The following PCDHGA3 variants were observed in gnomAD, a reference collection of about 807,000 sequenced individuals.
The protein encoded by PCDHGA3 is protocadherin gamma subfamily A, 3.
In PCDHGA3, 40 loss-of-function variants were observed where a neutral mutation model predicts 58.5. The ratio of observed to expected loss-of-function variants is 0.68; its 90% CI spans 0.53 to 0.89. PCDHGA3 has a LOEUF of 0.89. Ranked by LOEUF, PCDHGA3 falls within the 40% of genes least tolerant of loss-of-function variation. The pLI is 0.00. For missense variants in PCDHGA3, 1,223 were observed against 1,195.9 expected, an observed-to-expected ratio of 1.02 and a Z score of -0.33; for synonymous variants, 530 against 525.7, an observed-to-expected ratio of 1.01 and a Z score of -0.11.
At chr5:141,419,803 T>C (rs2096436352) in intron 1 of PCDHGA3, 3 of 1,614,026 alleles carry the variant, frequency 1.9e-6, no homozygotes, top group Non-Finnish European at 2.5e-6. Context: ...CTGTAAGAGA[T>C]GGAGGACAGC....
At chr5:141,482,074 A>G (rs1349748840) in intron 1 of PCDHGA3, among the ~76,000 whole-genome samples, 2 of 142,830 alleles carry the variant, frequency 1.4e-5, no homozygotes, top group Non-Finnish European at 3.0e-5. Context: ...AACAAGAACA[A>G]AACTCACTCC....
At chr5:141,361,788 A>C in intron 1 of PCDHGA3, 2 of 1,613,154 alleles carry the variant, frequency 1.2e-6, no homozygotes, top group Non-Finnish European at 1.7e-6. Flanking sequence ...TGCGCGTGTT[A>C]GTGGGCGACC....
Position 141,371,934 on chromosome 5 carries a change from G to T in PCDHGA3, c.2424+25477G>T, listed in dbSNP as rs1024560538. On this transcript the variant is annotated intron_variant, in intron 1 of 3. Coordinates refer to ENST00000253812, the MANE Select transcript of PCDHGA3 (RefSeq NM_018916.4). The stretch of plus-strand genomic sequence containing the variant: ...GTCCGTGAGCGCGCGGAGCGGGGTG[G>T]TGTTCGCGCAGCGAGCCTTCGACCA... The T allele has an allele frequency of 3.1e-6, 5 of 1,613,324 alleles. No individual in the cohort carries two copies. In the Admixed American group the frequency reaches 8.3e-5, roughly 27 times the overall value.
At position 141,485,541 on chromosome 5, in the gene PCDHGA3, T is replaced by A; in HGVS notation, c.2425-9266T>A. 2 of 1,613,902 alleles carry A rather than the reference T, an allele frequency of 1.2e-6. No homozygotes were observed. Among genetic ancestry groups the A allele is most frequent in the Non-Finnish European group, 1.7e-6 (2 of 1,179,958 alleles). ...GAAATGTACCGAGCAGAGGTAGAGATCGTAGATGTGAATGATCACGCCCCC... is the reference window on the plus strand; with the variant it reads ...GAAATGTACCGAGCAGAGGTAGAGAACGTAGATGTGAATGATCACGCCCCC... On this transcript the variant is annotated intron_variant, in intron 1 of 3. Coordinates refer to ENST00000253812, the MANE Select transcript of PCDHGA3 (RefSeq NM_018916.4). The surrounding 1 kb of genome is among the most constrained non-coding windows in gnomAD (Gnocchi z 5.7).
rs1211398299 is a variant in PCDHGA3 at position 141,420,143 on chromosome 5, A to G, written c.2424+73686A>G. The G allele has an allele frequency of 1.2e-6, 2 of 1,614,052 alleles. No homozygotes were observed. The highest frequency in any genetic ancestry group is 2.2e-5 in the East Asian group (1 of 44,888). On this transcript the variant is annotated intron_variant, in intron 1 of 3. Transcript: ENST00000253812. The stretch of plus-strand genomic sequence containing the variant: ...TTTTTGTGTGCCTGGGGATCAAATG[A>G]ATCCAGAATTTAATTTTTTCACATC...
intron 1 of PCDHGA3, chr5:141,372,871 G>A: frequency 7.4e-7 from 1 of 1,350,238 alleles, no homozygotes; most frequent in African/African-American, 1.5e-5. Context: ...TTGATTTAGA[G>A]ATAAAAAGAA....
chr5:141,423,877 C>G, intron 1 of PCDHGA3: 1 of 1,283,890 alleles, frequency 7.8e-7, no homozygotes, highest in South Asian at 3.4e-5. Flanking sequence ...ATTTTTCAAT[C>G]TTGGCATATT....
intron 1 of PCDHGA3, chr5:141,399,029 A>G: frequency 6.2e-7 from 1 of 1,613,912 alleles, no homozygotes. Context: ...ACCACTCAAA[A>G]GAAACTGGAT....
Position 141,357,014 on chromosome 5 carries a change from C to A in PCDHGA3, c.2424+10557C>A, listed in dbSNP as rs377201838. ...GACTCAGGTCAGAATGCCTGGCTGT[C>A]CTACAGCCTACTCAAGTCCAGCGAG... On this transcript the variant is annotated intron_variant, in intron 1 of 3. Coordinates refer to ENST00000253812, the MANE Select transcript of PCDHGA3 (RefSeq NM_018916.4). 9.9e-6 allele frequency: 16 copies of A among 1,614,012 alleles called. No homozygotes were observed. The African/African-American group carries it at 1.6e-4, about 16-fold the overall frequency.
chr5:141,393,622 A>C (rs776047060), intron 1 of PCDHGA3: 1 of 1,613,960 alleles, frequency 6.2e-7, no homozygotes, highest in Admixed American at 1.7e-5. Context: ...AGCGACCCGG[A>C]TGAGGGAATC....
chr5:141,496,523 G>T (rs1159517569), intron 2 of PCDHGA3, among the ~76,000 whole-genome samples: 1 of 152,128 alleles, frequency 6.6e-6, no homozygotes, highest in Non-Finnish European at 1.5e-5. Context: ...GGAGCCCTTG[G>T]TGTATGGCAG....
At position 141,476,477 on chromosome 5, in the gene PCDHGA3, G is replaced by A; in HGVS notation, c.2425-18330G>A. 1.2e-6 allele frequency: 2 copies of A among 1,614,078 alleles called. No individual in the cohort carries two copies. Among genetic ancestry groups the A allele is most frequent in the South Asian group, 1.1e-5 (1 of 91,070 alleles). ...GGAGAACCCGCTGGAGCTGTTCAGC[G>A]TGGAAGTGGTGATCCAGGACATCAA... On this transcript the variant is annotated intron_variant, in intron 1 of 3. Transcript: ENST00000253812. This position sits in a 1 kb window ranked among gnomAD's most constrained non-coding sequence, Gnocchi z 7.6.
Position 141,384,229 on chromosome 5 carries a change from G to A in PCDHGA3, c.2424+37772G>A, listed in dbSNP as rs571021830. The A allele has an allele frequency of 3.1e-6, 5 of 1,613,904 alleles. No individual in the cohort carries two copies. In the South Asian group the frequency reaches 5.5e-5, roughly 18 times the overall value. On this transcript the variant is annotated intron_variant, in intron 1 of 3. Transcript: ENST00000253812. The stretch of plus-strand genomic sequence containing the variant: ...AACTCACATATTCATGCAGGTGGCA[G>A]ACACCAACGATAACCCACCCACCTT...
In PCDHGA3 at chr5:141,404,546, G is replaced by A. The variant is rs753308273; in HGVS notation, c.2424+58089G>A. 11 of 1,613,800 alleles carry A rather than the reference G, an allele frequency of 6.8e-6. No individual in the cohort carries two copies. In the East Asian group the frequency reaches 2.2e-4, roughly 33 times the overall value. ...GCAGTTTAGAGATTTGCAAATGCAGGTGACGGCAAGTGACAGTGGAAGCCC... is the reference window on the plus strand; with the variant it reads ...GCAGTTTAGAGATTTGCAAATGCAGATGACGGCAAGTGACAGTGGAAGCCC... On this transcript the variant is annotated intron_variant, in intron 1 of 3. Transcript: ENST00000253812.
At chr5:141,419,052 C>A (rs1017300472) in intron 1 of PCDHGA3, 6 of 1,613,948 alleles carry the variant, frequency 3.7e-6, no homozygotes, top group East Asian at 2.2e-5. Context: ...CATTCTTCTT[C>A]TAATAATTAC....
intron 1 of PCDHGA3, among the ~76,000 whole-genome samples, chr5:141,369,005 A>C (rs944687399): frequency 6.6e-6 from 1 of 152,216 alleles, no homozygotes; most frequent in Non-Finnish European, 1.5e-5. Context: ...TGTGGAACTC[A>C]TTGCTTATTG....
chr5:141,432,521 G>A lies in PCDHGA3; in HGVS notation c.2425-62286G>A. The stretch of plus-strand genomic sequence containing the variant: ...CCGCTCCGCAGAGCCCGGCTACCTG[G>A]TGACCAAGGTGGTGGCGGTGGACAG... On this transcript the variant is annotated intron_variant, in intron 1 of 3. Coordinates refer to ENST00000253812, the MANE Select transcript of PCDHGA3 (RefSeq NM_018916.4). The surrounding 1 kb of genome is among the most constrained non-coding windows in gnomAD (Gnocchi z 6.0). The A allele has an allele frequency of 6.2e-7, 1 of 1,614,112 alleles. No homozygotes were observed. Among genetic ancestry groups the A allele is most frequent in the Non-Finnish European group, 8.5e-7 (1 of 1,180,028 alleles).
chr5:141,419,834 A>C, intron 1 of PCDHGA3: 1 of 1,614,072 alleles, frequency 6.2e-7, no homozygotes, highest in Non-Finnish European at 8.5e-7. Context: ...AGCCACTGCC[A>C]CGCTGCACCT....
intron 1 of PCDHGA3, chr5:141,367,812 C>T (rs1012186611): frequency 2.6e-5 from 4 of 151,872 alleles, no homozygotes; most frequent in African/African-American, 9.7e-5. Context: ...ATAGATAAAC[C>T]CTTTACTTAT....
Sources: allele counts gnomAD v4.1 joint callset (sites outside exome capture counted in the v4.1 genomes callset), GRCh38; gene constraint gnomAD v4.1.1; non-coding constraint Gnocchi (gnomAD v3.1); transcripts MANE v1.5; gene names NCBI Gene and HGNC (gene_info 2026-07-23, HGNC 2026-07-21).